The following CDH12 variants were observed in gnomAD, a reference collection of about 807,000 sequenced individuals.
CDH12 encodes the protein cadherin-12.
Under a neutral mutation model 74.1 loss-of-function variants are expected in CDH12, and 41 were observed. The observed-to-expected ratio is 0.55, with a 90% CI of 0.43 to 0.72. CDH12 has a LOEUF of 0.72. Ranked by LOEUF, CDH12 falls within the 30% of genes least tolerant of loss-of-function variation. The pLI is 0.00. For synonymous variants in CDH12, 399 were observed against 355.0 expected (o/e 1.12, Z -1.39); for missense variants, 945 against 977.2 (o/e 0.97, Z 0.44).
intron 3 of CDH12, among the ~76,000 whole-genome samples, chr5:22,256,205 C>G (rs1459285968): frequency 6.6e-6 from 1 of 152,088 alleles, no homozygotes; most frequent in Non-Finnish European, 1.5e-5. Context: ...ATCACTTTAA[C>G]CATTGCAAAG....
chr5:21,934,746 C>A (rs145859020), intron 6 of CDH12, among the ~76,000 whole-genome samples: 221 of 151,942 alleles, frequency 1.5e-3, no homozygotes, highest in Non-Finnish European at 1.7e-3. Context: ...TCGTTTTCTT[C>A]TCCCTTTTCC....
At chr5:21,910,394 C>G (rs529946481) in intron 6 of CDH12, among the ~76,000 whole-genome samples, 1 of 152,250 alleles carries the variant, frequency 6.6e-6, no homozygotes, top group South Asian at 2.1e-4. Flanking sequence ...ATTTCTTAGA[C>G]AGTGACGCCG....
chr5:22,359,340 T>A (rs1444567861), intron 3 of CDH12, among the ~76,000 whole-genome samples: 6 of 152,184 alleles, frequency 3.9e-5, no homozygotes, highest in Admixed American at 1.3e-4. Flanking sequence ...AGAAGGCCAT[T>A]ACATAATGGT....
At position 21,866,456 on chromosome 5, in the gene CDH12, T is replaced by C. The variant is rs1415003666; in HGVS notation, c.527-11666A>G. Among the ~76,000 whole-genome samples, 7 of 152,154 alleles carry C rather than the reference T, an allele frequency of 4.6e-5. No homozygotes were observed. The East Asian group carries it at 1.2e-3, about 25-fold the overall frequency. On this transcript the variant is annotated intron_variant, in intron 6 of 14. Coordinates refer to ENST00000382254, the MANE Select transcript of CDH12 (RefSeq NM_004061.5). ...GCTGAGGTGGTCTCAGATGGAGATG[T>C]GGAATCTGTTGGCAACTGGAGCAAA...
chr5:22,464,766 C>T (rs1271208008), intron 2 of CDH12, among the ~76,000 whole-genome samples: 1 of 151,936 alleles, frequency 6.6e-6, no homozygotes, highest in Non-Finnish European at 1.5e-5. Flanking sequence ...CTTTGGGAAG[C>T]CCATGGAGGC....
At chr5:22,661,480 T>C (rs1213354712) in intron 1 of CDH12, among the ~76,000 whole-genome samples, 2 of 152,180 alleles carry the variant, frequency 1.3e-5, no homozygotes, top group Non-Finnish European at 2.9e-5. Context: ...TTAGGAAATA[T>C]TATATTTCAT....
At chr5:22,040,486 G>T (rs1052875131) in intron 5 of CDH12, among the ~76,000 whole-genome samples, 52 of 152,072 alleles carry the variant, frequency 3.4e-4, no homozygotes. Context: ...ACCCAAAGAG[G>T]TCTTCACTGA....
intron 6 of CDH12, among the ~76,000 whole-genome samples, chr5:21,949,764 T>G (rs181838071): frequency 4.3e-4 from 66 of 152,264 alleles, no homozygotes; most frequent in African/African-American, 1.5e-3. Flanking sequence ...AATAAAGTAT[T>G]TCTGTGTACA....
intron 5 of CDH12, among the ~76,000 whole-genome samples, chr5:22,032,266 A>G (rs1412502367): frequency 3.3e-5 from 5 of 152,154 alleles, no homozygotes; most frequent in Non-Finnish European, 7.4e-5. Flanking sequence ...AGAAATTTTT[A>G]TAACCTAAAG....
At chr5:22,842,508 A>G (rs182656813) in intron 1 of CDH12, among the ~76,000 whole-genome samples, 6 of 152,102 alleles carry the variant, frequency 3.9e-5, no homozygotes, top group Non-Finnish European at 4.4e-5. Context: ...CAAGGACCAG[A>G]GCTTAATAGA....
chr5:22,353,112 C>T (rs1002129743), intron 3 of CDH12, among the ~76,000 whole-genome samples: 17 of 152,274 alleles, frequency 1.1e-4, no homozygotes, highest in African/African-American at 3.8e-4. Flanking sequence ...AGCACTGTTA[C>T]AGTCATCAGT....
At chr5:21,850,739 G>A (rs1418659730) in intron 7 of CDH12, among the ~76,000 whole-genome samples, 1 of 151,352 alleles carries the variant, frequency 6.6e-6, no homozygotes, top group African/African-American at 2.4e-5. Context: ...GTTTCCTTAA[G>A]CAGAATTTAG....
chr5:21,933,117 G>A (rs930656708), intron 6 of CDH12, among the ~76,000 whole-genome samples: 51 of 151,960 alleles, frequency 3.4e-4, no homozygotes, highest in African/African-American at 1.2e-3. Flanking sequence ...TGACACACAC[G>A]AGAGTTTAAT....
At chr5:22,740,058 T>G (rs1327160108) in intron 1 of CDH12, among the ~76,000 whole-genome samples, 2 of 152,124 alleles carry the variant, frequency 1.3e-5, no homozygotes, top group African/African-American at 4.8e-5. Flanking sequence ...ATAATTTGAT[T>G]TGGGGCAAAC....
intron 3 of CDH12, among the ~76,000 whole-genome samples, chr5:22,262,654 T>C (rs893422040): frequency 1.3e-5 from 2 of 151,190 alleles, no homozygotes; most frequent in Non-Finnish European, 3.0e-5. Context: ...CTGGGTCAAA[T>C]GGTATTTCTA....
At chr5:22,294,634 G>A (rs186503432) in intron 3 of CDH12, among the ~76,000 whole-genome samples, 168 of 152,270 alleles carry the variant, frequency 1.1e-3, no homozygotes, top group Middle Eastern at 6.8e-3. Flanking sequence ...AGATGGAGTT[G>A]CTTTAGCCTC....
At chr5:22,015,397 G>A (rs1208239490) in intron 5 of CDH12, among the ~76,000 whole-genome samples, 1 of 152,004 alleles carries the variant, frequency 6.6e-6, no homozygotes, top group Non-Finnish European at 1.5e-5. Context: ...TTTAAAATTA[G>A]TGCTAATGTA....
intron 12 of CDH12, among the ~76,000 whole-genome samples, chr5:21,764,306 G>A (rs150616606): frequency 0.032 from 4,796 of 151,366 alleles, 176 homozygotes; most frequent in East Asian, 0.15. Context: ...TCCGGGAAGC[G>A]GAGGTTGCAG....
chr5:22,523,908 A>G (rs897099340), intron 1 of CDH12, among the ~76,000 whole-genome samples: 1 of 151,952 alleles, frequency 6.6e-6, no homozygotes, highest in Non-Finnish European at 1.5e-5. Context: ...GGTGAAAACC[A>G]CTGTCCAAAT....
Sources: gnomAD v4.1 joint callset for allele counts (sites outside exome capture counted in the v4.1 genomes callset) on GRCh38, gnomAD v4.1.1 for gene constraint, MANE v1.5 for transcripts, NCBI Gene and HGNC (gene_info 2026-07-23, HGNC 2026-07-21) for gene names.